DNAH17: variants seen among roughly 807,000 people sequenced by gnomAD.
The protein encoded by DNAH17 is dynein axonemal heavy chain 17, also known as axonemal beta dynein heavy chain 17.
In DNAH17, 376 loss-of-function variants were observed where a neutral mutation model predicts 485.6. The ratio of observed to expected loss-of-function variants is 0.77; its 90% CI spans 0.71 to 0.84. The LOEUF is 0.84. Ranked by LOEUF, DNAH17 falls within the 40% of genes least tolerant of loss-of-function variation. The probability of loss-of-function intolerance (pLI) is 0.00; values close to 1 mark genes in which losing one functional copy is unlikely to be tolerated. For missense variants in DNAH17, 6,370 were observed against 5,839.3 expected, an observed-to-expected ratio of 1.09 and a Z score of -2.96; for synonymous variants, 3,031 against 2,405.9, an observed-to-expected ratio of 1.26 and a Z score of -7.60.
chr17:78,427,157 C>G (rs2086504484), intron 77 of DNAH17, 49 bp from the exon 78 acceptor site: 1 of 1,541,030 alleles, frequency 6.5e-7, no homozygotes, highest in Non-Finnish European at 8.8e-7. Flanking sequence ...GAGCCCACCC[C>G]ACCCACTGCA....
intron 44 of DNAH17, among the ~76,000 whole-genome samples, chr17:78,489,056 T>C (rs1336773300): frequency 6.6e-6 from 1 of 152,114 alleles, no homozygotes; most frequent in Non-Finnish European, 1.5e-5. Context: ...AGCTGGAGAA[T>C]GCTGTATAAG....
At chr17:78,564,620 T>C (rs960070209) in intron 11 of DNAH17, among the ~76,000 whole-genome samples, 2 of 152,102 alleles carry the variant, frequency 1.3e-5, no homozygotes, top group Admixed American at 1.3e-4. Flanking sequence ...GTGGAAGGCT[T>C]ATGCTAGAGC....
At chr17:78,518,310 G>A (rs2090842509) in intron 25 of DNAH17, among the ~76,000 whole-genome samples, 1 of 152,038 alleles carries the variant, frequency 6.6e-6, no homozygotes, top group Non-Finnish European at 1.5e-5. Flanking sequence ...AGATCAGGAC[G>A]AACACTAGTC....
chr17:78,574,820 T>C lies in DNAH17; in HGVS notation c.238A>G (p.Ile80Val). 2 of 1,614,004 alleles carry C rather than the reference T, an allele frequency of 1.2e-6. No homozygotes were observed. Among genetic ancestry groups the C allele is most frequent in the Non-Finnish European group, 1.7e-6 (2 of 1,179,902 alleles). Residue 80 changes from isoleucine (I) to valine (V), a missense_variant, in exon 2 of 81, where the codon ATC becomes GTC. Ile to Val is a conservative substitution (Grantham distance 29, BLOSUM62 3). Transcript: ENST00000389840. ...TTGATGTTCTCGGACTTTGTCTTGATGAAGTAAACCCCTTTGGACTTGAGG... is the reference window on the plus strand; with the variant it reads ...TTGATGTTCTCGGACTTTGTCTTGACGAAGTAAACCCCTTTGGACTTGAGG... ...QSLKSKGVYF[I>V]KTKSENINKD... is the part of the protein sequence containing the mutation.
chr17:78,445,518 C>G, intron 70 of DNAH17, 40 bp downstream of exon 70: 1 of 1,549,386 alleles, frequency 6.5e-7, no homozygotes, highest in East Asian at 2.4e-5. Flanking sequence ...GGCTCCACGG[C>G]GGGGAGAAAG....
intron 66 of DNAH17, 135 bp downstream of exon 66, chr17:78,451,334 C>T (rs2087541686): frequency 4.1e-6 from 3 of 732,636 alleles, no homozygotes; most frequent in Non-Finnish European, 6.6e-6. Flanking sequence ...TGCCGTGGGA[C>T]ACACTGAGGC....
At chr17:78,539,342 C>T (rs76175593) in intron 18 of DNAH17, among the ~76,000 whole-genome samples, 13,619 of 152,258 alleles carry the variant, frequency 0.089, 764 homozygotes, top group South Asian at 0.17. Context: ...GACTGGTTTA[C>T]CTTCTACTCA....
chr17:78,437,869 C>G lies in DNAH17; in HGVS notation c.11806-1G>C. The G allele has an allele frequency of 1.2e-6, 2 of 1,606,648 alleles. No homozygotes were observed. The highest frequency in any genetic ancestry group is 1.7e-6 in the Non-Finnish European group (2 of 1,176,052). On this transcript the variant is annotated splice_acceptor_variant, in intron 73 of 80. Coordinates refer to ENST00000389840, the MANE Select transcript of DNAH17 (RefSeq NM_173628.4). LOFTEE classifies it high-confidence loss of function. ...GCCACCGGGCCACCAGGTGGATATT[C>G]TGCAGCCAAGACTAGAGGCTGGTTA...
intron 17 of DNAH17, among the ~76,000 whole-genome samples, chr17:78,541,887 G>A (rs2091600642): frequency 2.0e-5 from 3 of 152,116 alleles, no homozygotes; most frequent in South Asian, 2.1e-4. Context: ...TAATTCAGAG[G>A]GAGCTACTGG....
At chr17:78,495,246 C>T (rs2090026955) in intron 38 of DNAH17, 149 bp from the exon 39 acceptor site, 3 of 1,039,538 alleles carry the variant, frequency 2.9e-6, no homozygotes, top group African/African-American at 1.6e-5. Flanking sequence ...GCCGGGCTCC[C>T]AGCCCGCCTG....
rs1265404538 is a variant in DNAH17, at chr17:78,494,627, T to C, written c.6236A>G (p.Asp2079Gly). The C allele has an allele frequency of 2.5e-6, 4 of 1,613,886 alleles. No homozygotes were observed. The South Asian group carries it at 4.4e-5, about 18-fold the overall frequency. ...GLIGDLFPALDVPRKRDLNFE... is the reference protein window; with the variant it reads ...GLIGDLFPALGVPRKRDLNFE... Reference sequence around the variant, plus strand: ...ATTCAGGTCCCGTTTCCGAGGCACGTCCAGAGCCGGGAAGAGGTCCCCGAT... The same window carrying C: ...ATTCAGGTCCCGTTTCCGAGGCACGCCCAGAGCCGGGAAGAGGTCCCCGAT... The change falls in exon 40 of 81, where the codon GAC becomes GGC. Residue 2079 changes from aspartate (D) to glycine (G), a missense_variant. Transcript: ENST00000389840.
intron 58 of DNAH17, 108 bp from the exon 59 acceptor site, chr17:78,460,365 CGTGCATGAGTGTATGTGTGCATATAT>C (rs1435136744): frequency 1.1e-5 from 10 of 910,486 alleles, no homozygotes; most frequent in Admixed American, 7.0e-5. Context: ...CATGTATGCA[CGTGCATGAGTGTATGTGTGCATATAT>C]GTGCATGAGT....
intron 14 of DNAH17, 68 bp from the exon 15 acceptor site, chr17:78,552,873 C>T (rs1598713966): frequency 2.8e-6 from 3 of 1,071,096 alleles, no homozygotes; most frequent in African/African-American, 1.5e-5. Context: ...CTGGTAAGGA[C>T]CTTTTATTCC....
At chr17:78,465,581 C>T (rs1318948592) in intron 56 of DNAH17, among the ~76,000 whole-genome samples, 5 of 147,132 alleles carry the variant, frequency 3.4e-5, no homozygotes, top group African/African-American at 5.0e-5. Context: ...TCTGCCCCGC[C>T]GCCCCATCTG....
At chr17:78,512,246 T>G (rs1177847538) in intron 26 of DNAH17, among the ~76,000 whole-genome samples, 2 of 152,248 alleles carry the variant, frequency 1.3e-5, no homozygotes, top group Non-Finnish European at 2.9e-5. Context: ...CTGCCCTTGG[T>G]CCTTGGGGTA....
chr17:78,504,664 CAG>C (rs781034097), intron 31 of DNAH17, among the ~76,000 whole-genome samples: 4 of 152,002 alleles, frequency 2.6e-5, no homozygotes, highest in Admixed American at 6.6e-5. Flanking sequence ...GGTAATGAGA[CAG>C]GGGAGGGGGC....
At chr17:78,531,492 C>T (rs949684621) in intron 20 of DNAH17, among the ~76,000 whole-genome samples, 3 of 152,088 alleles carry the variant, frequency 2.0e-5, no homozygotes, top group Non-Finnish European at 2.9e-5. Context: ...GCGCCTGCCA[C>T]CACGCCCAGC....
intron 56 of DNAH17, among the ~76,000 whole-genome samples, chr17:78,464,406 T>C (rs991337401): frequency 5.9e-5 from 9 of 152,200 alleles, no homozygotes; most frequent in African/African-American, 2.2e-4. Context: ...ATTACAGGCA[T>C]GCACCACCAC....
chr17:78,570,943 C>T lies in DNAH17; in HGVS notation c.918+5G>A, dbSNP rs772564598. ...ACCAAAGCCGGCTCTCCCTTGCCTGCGCACCATCGTGAAGTCGGCTTGTTC... is the reference window on the plus strand; with the variant it reads ...ACCAAAGCCGGCTCTCCCTTGCCTGTGCACCATCGTGAAGTCGGCTTGTTC... On this transcript the variant is annotated splice_donor_5th_base_variant and intron_variant, in intron 6 of 80. Coordinates refer to ENST00000389840, the MANE Select transcript of DNAH17 (RefSeq NM_173628.4). 8.9e-6 allele frequency: 14 copies of T among 1,581,570 alleles called. No homozygotes were observed. The highest frequency in any genetic ancestry group is 7.2e-5 in the Admixed American group (4 of 55,302).
Sources: gnomAD v4.1 joint callset for allele counts (sites outside exome capture counted in the v4.1 genomes callset) on GRCh38, gnomAD v4.1.1 for gene constraint, MANE v1.5 for transcripts, NCBI Gene and HGNC (gene_info 2026-07-23, HGNC 2026-07-21) for gene names.